ATP13A5: variants seen among roughly 807,000 people sequenced by gnomAD.
ATP13A5 encodes ATPase 13A5.
Under a neutral mutation model 150.2 loss-of-function variants are expected in ATP13A5, and 149 were observed. The observed-to-expected ratio is 0.99, with a 90% CI of 0.87 to 1.14. The LOEUF (loss-of-function observed/expected upper bound fraction) is 1.14. ATP13A5 is among the 50% of genes most tolerant of loss of function. The pLI is 0.00. For missense variants in ATP13A5, 1,383 were observed against 1,449.3 expected, an observed-to-expected ratio of 0.95 and a Z score of 0.74; for synonymous variants, 497 against 522.2, an observed-to-expected ratio of 0.95 and a Z score of 0.66.
intron 13 of ATP13A5, among the ~76,000 whole-genome samples, chr3:193,325,988 G>A (rs1235997545): frequency 6.6e-6 from 1 of 152,170 alleles, no homozygotes; most frequent in African/African-American, 2.4e-5. Flanking sequence ...TGAGCACCAG[G>A]AGCAGAGACA....
At chr3:193,299,428 T>A (rs1718313252) in intron 24 of ATP13A5, among the ~76,000 whole-genome samples, 1 of 152,150 alleles carries the variant, frequency 6.6e-6, no homozygotes, top group Admixed American at 6.6e-5. Flanking sequence ...CAAAAGTCAA[T>A]TATTTGAGAA....
intron 17 of ATP13A5, among the ~76,000 whole-genome samples, chr3:193,318,311 G>A (rs974374384): frequency 1.3e-5 from 2 of 152,130 alleles, no homozygotes; most frequent in Admixed American, 6.6e-5. Context: ...GAAATAAATA[G>A]ATTTTCTGCT....
chr3:193,306,450 A>T (rs1718622918), intron 22 of ATP13A5, among the ~76,000 whole-genome samples: 1 of 152,218 alleles, frequency 6.6e-6, no homozygotes, highest in South Asian at 2.1e-4. Context: ...ACTAAAAATT[A>T]GCTTTTTCTC....
At chr3:193,291,665 A>G (rs1324070629) in intron 25 of ATP13A5, among the ~76,000 whole-genome samples, 3 of 151,924 alleles carry the variant, frequency 2.0e-5, no homozygotes, top group Non-Finnish European at 4.4e-5. Flanking sequence ...CAATGATTCA[A>G]TCAATCATGT....
chr3:193,297,677 G>A (rs1718228517), intron 25 of ATP13A5, among the ~76,000 whole-genome samples: 1 of 151,904 alleles, frequency 6.6e-6, no homozygotes, highest in South Asian at 2.1e-4. Context: ...AGTCATCCCA[G>A]CACTCCCATA....
chr3:193,285,292 G>A (rs1648107952), intron 26 of ATP13A5, among the ~76,000 whole-genome samples, 176 bp from the exon 27 acceptor site: 1 of 152,192 alleles, frequency 6.6e-6, no homozygotes, highest in South Asian at 2.1e-4. Flanking sequence ...ATAAAAGGAA[G>A]TCAAGATTGT....
intron 12 of ATP13A5, among the ~76,000 whole-genome samples, chr3:193,328,942 T>A (rs1711519150): frequency 6.6e-6 from 1 of 152,298 alleles, no homozygotes; most frequent in Non-Finnish European, 1.5e-5. Flanking sequence ...AATCTGCTTT[T>A]CTTAAAAAGT....
At chr3:193,285,475 T>TTGAGTC (rs1477614004) in intron 26 of ATP13A5, among the ~76,000 whole-genome samples, 1 of 152,212 alleles carries the variant, frequency 6.6e-6, no homozygotes, top group Non-Finnish European at 1.5e-5. Context: ...AGTTTTGAGT[T>TTGAGTC]TGAGTCTGCC....
intron 21 of ATP13A5, among the ~76,000 whole-genome samples, chr3:193,309,223 C>T (rs562805240): frequency 6.6e-6 from 1 of 152,292 alleles, no homozygotes; most frequent in African/African-American, 2.4e-5. Flanking sequence ...TCTTGACTTT[C>T]CCTGCTGGGG....
chr3:193,301,826 T>C (rs906835948), intron 23 of ATP13A5, among the ~76,000 whole-genome samples: 1 of 152,102 alleles, frequency 6.6e-6, no homozygotes, highest in Non-Finnish European at 1.5e-5. Context: ...ATATTTGAGA[T>C]TAAATGGGTA....
At chr3:193,367,610 T>C (rs1474017310) in intron 1 of ATP13A5, among the ~76,000 whole-genome samples, 1 of 152,096 alleles carries the variant, frequency 6.6e-6, no homozygotes, top group Non-Finnish European at 1.5e-5. Context: ...ATCAATGATA[T>C]ATTAAAAGTT....
At chr3:193,296,288 C>G (rs968928168) in intron 25 of ATP13A5, among the ~76,000 whole-genome samples, 2 of 152,066 alleles carry the variant, frequency 1.3e-5, no homozygotes, top group African/African-American at 4.8e-5. Context: ...GATGAATTCA[C>G]CAATGAACCC....
chr3:193,314,608 TG>T (rs1718978083), intron 18 of ATP13A5, among the ~76,000 whole-genome samples: 1 of 152,128 alleles, frequency 6.6e-6, no homozygotes, highest in South Asian at 2.1e-4. Flanking sequence ...ACACCATGCC[TG>T]GCCCTACTGC....
At chr3:193,345,162 T>C (rs1426606100) in intron 7 of ATP13A5, 87 bp from the exon 8 acceptor site, 5 of 1,268,096 alleles carry the variant, frequency 3.9e-6, no homozygotes, top group Non-Finnish European at 5.7e-6. Flanking sequence ...CCAGGCCAGC[T>C]GTCACAGCTA....
At chr3:193,325,130 T>C in intron 13 of ATP13A5, 116 bp from the exon 14 acceptor site, 1 of 965,418 alleles carries the variant, frequency 1.0e-6, no homozygotes. Context: ...AACCTTCCCA[T>C]GGCTCCCTAT....
chr3:193,360,700 G>A (rs759588288), intron 5 of ATP13A5, among the ~76,000 whole-genome samples: 8 of 149,884 alleles, frequency 5.3e-5, no homozygotes, highest in Non-Finnish European at 1.2e-4. Flanking sequence ...TTTTTGTGAC[G>A]GAGTCTCACT....
intron 15 of ATP13A5, 103 bp from the exon 16 acceptor site, chr3:193,321,940 T>C (rs376194916): frequency 7.1e-6 from 9 of 1,269,024 alleles, no homozygotes; most frequent in South Asian, 4.4e-5. Context: ...CAGAGACATC[T>C]TGATGTAGTA....
intron 9 of ATP13A5, among the ~76,000 whole-genome samples, chr3:193,336,394 C>A (rs1226738105): frequency 2.0e-5 from 3 of 152,166 alleles, no homozygotes; most frequent in Admixed American, 6.5e-5. Flanking sequence ...CCACTCCCCC[C>A]ACCTCACGAC....
rs779862591 is a variant in ATP13A5 at position 193,275,274 on chromosome 3, C to G, written c.3425G>C (p.Trp1142Ser). 1 of 1,613,784 alleles carries G rather than the reference C, an allele frequency of 6.2e-7. No homozygotes were observed. The highest frequency in any genetic ancestry group is 8.5e-7 in the Non-Finnish European group (1 of 1,180,012). The change falls in exon 30 of 30, where the codon TGG (tryptophan) becomes TCG (serine). Residue 1142 changes from tryptophan (W) to serine (S), a missense_variant. By Grantham distance (177) the Trp-to-Ser change is radical. Coordinates refer to ENST00000342358, the MANE Select transcript of ATP13A5 (RefSeq NM_198505.4). ...TCCAAATTCTCTTTTGATCAACAGCCAGAGTTCATGATTTTGAAGGATGGA... is the reference window on the plus strand; with the variant it reads ...TCCAAATTCTCTTTTGATCAACAGCGAGAGTTCATGATTTTGAAGGATGGA... ...EDSILQNHEL[W>S]LLIKREFGFY...
Sources: gnomAD v4.1 joint callset for allele counts (sites outside exome capture counted in the v4.1 genomes callset) on GRCh38, gnomAD v4.1.1 for gene constraint, MANE v1.5 for transcripts, NCBI Gene and HGNC (gene_info 2026-07-23, HGNC 2026-07-21) for gene names.